The following ACYP2 variants were observed in gnomAD, a reference collection of about 807,000 sequenced individuals.
ACYP2 encodes acylphosphatase 2.
ACYP2 carries 12 observed loss-of-function variants against 11.2 expected under a neutral mutation model. The ratio of observed to expected loss-of-function variants is 1.08; its 90% CI spans 0.69 to 1.74. The LOEUF is 1.74. ACYP2 is among the 40% of genes most tolerant of loss of function. The pLI, the probability that ACYP2 is intolerant of heterozygous loss-of-function variation, is 0.00. For synonymous variants in ACYP2, 43 were observed against 32.2 expected, an observed-to-expected ratio of 1.33 and a Z score of -1.13; for missense variants, 134 against 101.9, an observed-to-expected ratio of 1.31 and a Z score of -1.35.
chr2:54,097,434 G>A (rs945810281), intron 4 of ACYP2, among the ~76,000 whole-genome samples: 1 of 152,212 alleles, frequency 6.6e-6, no homozygotes, highest in African/African-American at 2.4e-5. Context: ...AAGCTTGCCA[G>A]CACCACTGTT....
intron 6 of ACYP2, among the ~76,000 whole-genome samples, chr2:54,170,687 G>A (rs1271522946): frequency 6.6e-6 from 1 of 151,990 alleles, no homozygotes; most frequent in Admixed American, 6.6e-5. Context: ...CTTTGGGATT[G>A]TAATATGACT....
intron 6 of ACYP2, among the ~76,000 whole-genome samples, chr2:54,220,068 G>A (rs2103948294): frequency 6.6e-6 from 1 of 151,634 alleles, no homozygotes; most frequent in African/African-American, 2.4e-5. Flanking sequence ...GAGCAAAGCA[G>A]TTGATTCTAA....
intron 6 of ACYP2, among the ~76,000 whole-genome samples, chr2:54,181,768 G>C (rs1448092363): frequency 6.6e-6 from 1 of 152,058 alleles, no homozygotes; most frequent in Non-Finnish European, 1.5e-5. Flanking sequence ...TTTAATTATT[G>C]TTCTTATTTG....
intron 3 of ACYP2, chr2:54,051,809 C>G: frequency 2.6e-6 from 1 of 379,750 alleles, no homozygotes; most frequent in Non-Finnish European, 4.8e-6. Flanking sequence ...CTTTGGGAGG[C>G]CGAGGCAGGA....
At chr2:54,252,198 CCAA>C (rs1687258540) in intron 6 of ACYP2, among the ~76,000 whole-genome samples, 1 of 152,182 alleles carries the variant, frequency 6.6e-6, no homozygotes, top group Admixed American at 6.5e-5. Context: ...CTTCTTACAT[CCAA>C]CAACATATTT....
At chr2:54,208,875 G>A (rs960949965) in intron 6 of ACYP2, among the ~76,000 whole-genome samples, 2 of 152,000 alleles carry the variant, frequency 1.3e-5, no homozygotes, top group Non-Finnish European at 2.9e-5. Context: ...GTGTGTGTGT[G>A]TGCATATATG....
intron 2 of ACYP2, among the ~76,000 whole-genome samples, chr2:54,013,435 G>C (rs1205530177): frequency 6.6e-6 from 1 of 151,660 alleles, no homozygotes; most frequent in Non-Finnish European, 1.5e-5. Flanking sequence ...CAAGTAGCTG[G>C]GATTAGAGGC....
rs1679767050 is a variant in ACYP2 at position 54,115,997 on chromosome 2, A to C, written c.278-19456A>C. On this transcript the variant is annotated intron_variant, in intron 4 of 6. Coordinates refer to ENST00000607452, the MANE Select transcript of ACYP2 (RefSeq NM_001320586.2). Reference sequence around the variant, plus strand: ...GGAGCGGGAGAGGAGGGGTCAGGGGACTGCTGAGGACCAGAAGTGGGCGGC... The same window carrying C: ...GGAGCGGGAGAGGAGGGGTCAGGGGCCTGCTGAGGACCAGAAGTGGGCGGC... Among the ~76,000 whole-genome samples the C allele has an allele frequency of 4.0e-5, 6 of 151,672 alleles. No individual in the cohort carries two copies. The South Asian group carries it at 1.2e-3, about 31-fold the overall frequency.
At chr2:54,053,093 G>A (rs1675949861) in intron 3 of ACYP2, among the ~76,000 whole-genome samples, 1 of 152,212 alleles carries the variant, frequency 6.6e-6, no homozygotes, top group Non-Finnish European at 1.5e-5. Flanking sequence ...CTTGTTGGCT[G>A]GACCCCTGAA....
At chr2:54,173,720 G>A (rs775834337) in intron 6 of ACYP2, among the ~76,000 whole-genome samples, 1 of 152,146 alleles carries the variant, frequency 6.6e-6, no homozygotes, top group Non-Finnish European at 1.5e-5. Context: ...TTTGTATAAG[G>A]TGTAAGGAAG....
At chr2:54,210,654 A>G in intron 6 of ACYP2, among the ~76,000 whole-genome samples, 1 of 152,210 alleles carries the variant, frequency 6.6e-6, no homozygotes, top group East Asian at 1.9e-4. Flanking sequence ...CAAGTATTGT[A>G]AGTACTTATG....
intron 4 of ACYP2, among the ~76,000 whole-genome samples, chr2:54,128,298 G>GT (rs1680665157): frequency 6.6e-6 from 1 of 152,152 alleles, no homozygotes; most frequent in African/African-American, 2.4e-5. Context: ...ATCATTTAAC[G>GT]TGTTTTGTAT....
chr2:54,083,294 T>C (rs1677767535), intron 4 of ACYP2, among the ~76,000 whole-genome samples: 1 of 152,138 alleles, frequency 6.6e-6, no homozygotes. Flanking sequence ...GGCCATTAGC[T>C]TCCCAGACAG....
At chr2:54,061,754 T>G (rs930406674) in intron 4 of ACYP2, among the ~76,000 whole-genome samples, 4 of 152,180 alleles carry the variant, frequency 2.6e-5, no homozygotes, top group Admixed American at 2.6e-4. Context: ...TTTATTTTCT[T>G]ATAATTCTGG....
chr2:54,165,525 T>TCACACACACA (rs1466687579), intron 6 of ACYP2, among the ~76,000 whole-genome samples: 5 of 135,406 alleles, frequency 3.7e-5, no homozygotes, highest in African/African-American at 1.7e-4. Context: ...ACTCTCTCTC[T>TCACACACACA]CTCTCTCTCT....
intron 6 of ACYP2, among the ~76,000 whole-genome samples, chr2:54,303,295 G>A (rs555567943): frequency 3.3e-5 from 5 of 152,196 alleles, no homozygotes; most frequent in Non-Finnish European, 7.4e-5. Context: ...AGGCTGCAGT[G>A]AGCCATGATC....
chr2:54,299,687 G>C (rs1303663673), intron 6 of ACYP2, among the ~76,000 whole-genome samples: 26 of 152,228 alleles, frequency 1.7e-4, no homozygotes. Flanking sequence ...TGGTGGATGG[G>C]GAGGCTCACA....
At chr2:54,135,585 C>A (rs1173760491) in intron 5 of ACYP2, 116 bp downstream of exon 2, 2 of 734,156 alleles carry the variant, frequency 2.7e-6, no homozygotes, top group African/African-American at 3.6e-5. Flanking sequence ...CTGTCCTTGA[C>A]AGCAAATGAA....
intron 4 of ACYP2, among the ~76,000 whole-genome samples, chr2:54,127,484 C>T (rs1384728273): frequency 6.6e-6 from 1 of 152,106 alleles, no homozygotes; most frequent in Non-Finnish European, 1.5e-5. Flanking sequence ...GTAATCCCAG[C>T]ACTTTGGGAG....
Sources: gnomAD v4.1 joint callset for allele counts (sites outside exome capture counted in the v4.1 genomes callset) on GRCh38, gnomAD v4.1.1 for gene constraint, MANE v1.5 for transcripts, NCBI Gene and HGNC (gene_info 2026-07-23, HGNC 2026-07-21) for gene names.